Variants in TSEN15 observed in about 807,000 individuals in gnomAD.
TSEN15 encodes tRNA-splicing endonuclease subunit Sen15.
In TSEN15, 10 loss-of-function variants were observed where a neutral mutation model predicts 20.5. That is an observed-to-expected ratio of 0.49 (90% CI 0.30 to 0.83). The LOEUF is 0.83. Ranked by LOEUF, TSEN15 falls within the 40% of genes least tolerant of loss-of-function variation. The pLI, the probability that TSEN15 is intolerant of heterozygous loss-of-function variation, is 0.06. For synonymous variants in TSEN15, 72 were observed against 80.1 expected (o/e 0.90, Z 0.54); for missense variants, 180 against 218.6 (o/e 0.82, Z 1.11).
At chr1:184,054,192 A>G (rs1334003642) in intron 1 of TSEN15, among the ~76,000 whole-genome samples, 162 bp from the exon 2 acceptor site, 1 of 152,230 alleles carries the variant, frequency 6.6e-6, no homozygotes, top group African/African-American at 2.4e-5. Context: ...TAACAATTGC[A>G]AGTTCTTTAG....
chr1:184,061,850 G>A (rs968530796), intron 3 of TSEN15, among the ~76,000 whole-genome samples: 1 of 152,044 alleles, frequency 6.6e-6, no homozygotes, highest in Non-Finnish European at 1.5e-5. Flanking sequence ...CAAGAGTGTC[G>A]ACAGATTCCA....
chr1:184,091,946 A>T (rs1170946067), intron 3 of TSEN15, among the ~76,000 whole-genome samples: 1 of 152,222 alleles, frequency 6.6e-6, no homozygotes, highest in African/African-American at 2.4e-5. Context: ...GAAAAACCTA[A>T]GATATGTTGC....
At chr1:184,058,781 T>A (rs552141910) in intron 3 of TSEN15, among the ~76,000 whole-genome samples, 2 of 152,254 alleles carry the variant, frequency 1.3e-5, no homozygotes, top group Admixed American at 6.5e-5. Flanking sequence ...TACTTTTTAT[T>A]TAAGAGGGAA....
Position 184,083,563 on chromosome 1 carries a change from T to G in TSEN15, c.354-12127T>G, listed in dbSNP as rs186297021. On this transcript the variant is annotated intron_variant, in intron 3 of 3. Transcript: ENST00000643231. The stretch of plus-strand genomic sequence containing the variant: ...TCCTCTCACATAATTATACAATTAT[T>G]GTGGATTGTACTTCTGTTGATGACC... 5.9e-5 allele frequency among the ~76,000 whole-genome samples: 9 copies of G among 152,336 alleles called. 1 individual carries two copies. Among genetic ancestry groups the G allele is most frequent in the Admixed American group, 5.9e-4 (9 of 15,304 alleles).
chr1:184,084,260 C>A (rs1651219613), intron 3 of TSEN15, among the ~76,000 whole-genome samples: 1 of 151,958 alleles, frequency 6.6e-6, no homozygotes, highest in Admixed American at 6.6e-5. Context: ...CAGGTTGCCA[C>A]CTTGGGAGAG....
intron 3 of TSEN15, among the ~76,000 whole-genome samples, chr1:184,087,066 C>A (rs969898964): frequency 6.6e-6 from 1 of 152,030 alleles, no homozygotes; most frequent in African/African-American, 2.4e-5. Context: ...AACTGTCAGT[C>A]ATTTAGCATG....
chr1:184,066,884 T>G (rs1038140775), intron 3 of TSEN15, among the ~76,000 whole-genome samples: 4 of 152,234 alleles, frequency 2.6e-5, no homozygotes, highest in African/African-American at 9.6e-5. Flanking sequence ...TTGAGAAGAA[T>G]TGGTATCCAG....
intron 3 of TSEN15, among the ~76,000 whole-genome samples, chr1:184,065,887 T>G (rs762471778): frequency 3.9e-5 from 6 of 152,242 alleles, no homozygotes; most frequent in Non-Finnish European, 8.8e-5. Flanking sequence ...TGTGTATATT[T>G]TGAATGCAAG....
intron 3 of TSEN15, chr1:184,058,151 TA>T (rs1557878958): frequency 9.3e-6 from 4 of 428,964 alleles, no homozygotes; most frequent in Non-Finnish European, 1.9e-5. Flanking sequence ...TAATTTCTAG[TA>T]TTTTCCAGGT....
intron 1 of TSEN15, 50 bp from the exon 2 acceptor site, chr1:184,054,304 T>A: frequency 8.4e-7 from 1 of 1,188,936 alleles, no homozygotes; most frequent in Non-Finnish European, 1.2e-6. Flanking sequence ...TGGAAGAAAA[T>A]ATTAAATAAT....
intron 1 of TSEN15, 48 bp from the exon 2 acceptor site, chr1:184,054,306 T>A (rs1572700972): frequency 8.2e-7 from 1 of 1,215,230 alleles, no homozygotes; most frequent in African/African-American, 1.5e-5. Flanking sequence ...GAAGAAAATA[T>A]TAAATAATTT....
downstream of TSEN15, among the ~76,000 whole-genome samples, chr1:184,074,631 G>A (rs374206404): frequency 3.9e-5 from 6 of 152,224 alleles, no homozygotes; most frequent in Admixed American, 6.5e-5. Context: ...CACCTTTGCC[G>A]TATTCTGTTG....
chr1:184,072,822 TCCAGA>T lies in TSEN15; in HGVS notation c.496-4_496del, dbSNP rs1650936291. 2 of 1,602,474 alleles carry T rather than the reference TCCAGA, an allele frequency of 1.2e-6. No homozygotes were observed. Among genetic ancestry groups the T allele is most frequent in the Non-Finnish European group, 8.5e-7 (1 of 1,176,384 alleles). On this transcript the variant is annotated splice_acceptor_variant and splice_polypyrimidine_tract_variant and coding_sequence_variant and intron_variant, in exon 5 of 5. Transcript: ENST00000645668. LOFTEE classifies it high-confidence loss of function. ...AAAGTCCATCCTGATCTTTTTTTTT[TCCAGA>T]ATATTTCTCTTAGAAGATGACATCC...
chr1:184,074,612 A>G (rs901016238), downstream of TSEN15, among the ~76,000 whole-genome samples: 10 of 152,184 alleles, frequency 6.6e-5, no homozygotes, highest in Admixed American at 6.5e-4. Flanking sequence ...GTAATCACAT[A>G]CATCCCATCA....
Position 184,073,443 on chromosome 1 carries a change from T to TA in TSEN15, c.*597dup, listed in dbSNP as rs1209778926. On this transcript the variant is annotated 3_prime_UTR_variant, in exon 5 of 5. Transcript: ENST00000645668. Reference sequence around the variant, plus strand: ...CATCCAGAGTGTGTCTTAAGTAACTTACGTGTCTTAAGTAACAGGGACCAG... The same window carrying TA: ...CATCCAGAGTGTGTCTTAAGTAACTTAACGTGTCTTAAGTAACAGGGACCAG... 2 of 152,636 alleles carry TA rather than the reference T, an allele frequency of 1.3e-5. No individual in the cohort carries two copies. The highest frequency in any genetic ancestry group is 4.8e-5 in the African/African-American group (2 of 41,446). The allele number at this position is 152,636 out of a possible 1,614,324, so 9.5% of individuals were successfully genotyped here. A position where few individuals can be genotyped will look rare whatever the true frequency, so the allele number is the denominator to read the frequency against.
chr1:184,066,148 A>T (rs1026481259), intron 3 of TSEN15, among the ~76,000 whole-genome samples: 29 of 152,004 alleles, frequency 1.9e-4, no homozygotes, highest in African/African-American at 6.5e-4. Context: ...TTTTTAGTTA[A>T]TTTTTATGAA....
chr1:184,066,711 TAGGC>T (rs1650677146), intron 3 of TSEN15, among the ~76,000 whole-genome samples: 1 of 152,180 alleles, frequency 6.6e-6, no homozygotes, highest in Non-Finnish European at 1.5e-5. Context: ...CGGCTTGTAA[TAGGC>T]CTTAAAGTCA....
chr1:184,055,134 G>T lies in TSEN15; in HGVS notation c.353+271G>T, dbSNP rs1572701791. The T allele has an allele frequency of 6.7e-5, 19 of 281,750 alleles. No homozygotes were observed. The East Asian group carries it at 1.2e-3, about 18-fold the overall frequency. 17.5% of individuals were successfully genotyped at this position (281,750 alleles called of 1,614,324 possible). A position where few individuals can be genotyped will look rare whatever the true frequency, so the allele number is the denominator to read the frequency against. On this transcript the variant is annotated intron_variant, in intron 3 of 4. Coordinates refer to ENST00000645668, the MANE Select transcript of TSEN15 (RefSeq NM_052965.4). ...AGGCTTTACAGTAAGCATGGTGCTGGCATCTACTCGGCTTCTAGGGAGGCC... is the reference window on the plus strand; with the variant it reads ...AGGCTTTACAGTAAGCATGGTGCTGTCATCTACTCGGCTTCTAGGGAGGCC...
chr1:184,063,786 G>T (rs1331700668), intron 3 of TSEN15, among the ~76,000 whole-genome samples: 1 of 151,804 alleles, frequency 6.6e-6, no homozygotes, highest in African/African-American at 2.4e-5. Context: ...TAAATCCATT[G>T]CCTTTGTGTT....
Sources: gnomAD v4.1 joint callset for allele counts (sites outside exome capture counted in the v4.1 genomes callset) on GRCh38, gnomAD v4.1.1 for gene constraint, MANE v1.5 for transcripts, NCBI Gene and HGNC (gene_info 2026-07-23, HGNC 2026-07-21) for gene names.